Variants in NOL4 observed in about 807,000 individuals in gnomAD.
NOL4 encodes the protein nucleolar protein 4.
NOL4 carries 17 observed loss-of-function variants against 75.9 expected under a neutral mutation model. The observed-to-expected ratio is 0.22, with a 90% CI of 0.15 to 0.34. The LOEUF (loss-of-function observed/expected upper bound fraction) is 0.34. Ranked by LOEUF, NOL4 falls within the 10% of genes least tolerant of loss-of-function variation. The pLI, the probability that NOL4 is intolerant of heterozygous loss-of-function variation, is 1.00. For synonymous variants in NOL4, 292 were observed against 289.9 expected, an observed-to-expected ratio of 1.01 and a Z score of -0.07; for missense variants, 614 against 793.5, an observed-to-expected ratio of 0.77 and a Z score of 2.72.
At chr18:34,179,381 T>TA (rs375236230) in intron 1 of NOL4, among the ~76,000 whole-genome samples, 9 of 151,208 alleles carry the variant, frequency 6.0e-5, no homozygotes, top group African/African-American at 2.2e-4. Context: ...ATGAAATAGA[T>TA]ACTAGAAAAA....
intron 2 of NOL4, among the ~76,000 whole-genome samples, chr18:34,117,178 C>T (rs1460155556): frequency 3.3e-5 from 5 of 152,104 alleles, no homozygotes; most frequent in Non-Finnish European, 7.4e-5. Flanking sequence ...ATTTAATCCT[C>T]ACAACAGTCC....
At chr18:33,973,450 C>A (rs1019924915) in intron 6 of NOL4, among the ~76,000 whole-genome samples, 1 of 152,140 alleles carries the variant, frequency 6.6e-6, no homozygotes, top group African/African-American at 2.4e-5. Context: ...CTATTTTGAT[C>A]TTCTCCCATG....
intron 6 of NOL4, among the ~76,000 whole-genome samples, chr18:33,975,506 G>T (rs776985311): frequency 6.6e-6 from 1 of 152,208 alleles, no homozygotes; most frequent in Non-Finnish European, 1.5e-5. Context: ...GGGTGCAGTG[G>T]CTCATGCCTG....
intron 2 of NOL4, among the ~76,000 whole-genome samples, chr18:34,118,596 C>T (rs973217018): frequency 1.3e-5 from 2 of 152,102 alleles, no homozygotes; most frequent in South Asian, 2.1e-4. Flanking sequence ...ATTCAAGGAA[C>T]ATCTGTCTTT....
chr18:34,038,772 A>G (rs906467655), intron 5 of NOL4, among the ~76,000 whole-genome samples: 1 of 152,040 alleles, frequency 6.6e-6, no homozygotes, highest in Non-Finnish European at 1.5e-5. Flanking sequence ...AAAGAGGTGG[A>G]TGAGTGGGTA....
chr18:34,064,328 T>C (rs965877268), intron 5 of NOL4, among the ~76,000 whole-genome samples: 1 of 151,998 alleles, frequency 6.6e-6, no homozygotes, highest in Non-Finnish European at 1.5e-5. Context: ...ATCAATACCC[T>C]ATGCAAATAA....
chr18:34,025,404 G>C (rs562432998), intron 5 of NOL4, among the ~76,000 whole-genome samples: 21 of 152,230 alleles, frequency 1.4e-4, no homozygotes, highest in African/African-American at 4.8e-4. Flanking sequence ...CCCTTCTAAA[G>C]TAGAGCTGCC....
chr18:33,905,327 G>T (rs2065971365), intron 9 of NOL4, among the ~76,000 whole-genome samples: 1 of 152,002 alleles, frequency 6.6e-6, no homozygotes, highest in Non-Finnish European at 1.5e-5. Flanking sequence ...CAAGTGAATG[G>T]GACTGTTAGA....
chr18:33,969,050 C>A (rs1000607517), intron 6 of NOL4, among the ~76,000 whole-genome samples: 3 of 152,030 alleles, frequency 2.0e-5, no homozygotes, highest in Non-Finnish European at 4.4e-5. Flanking sequence ...TTTGGGGAAA[C>A]CTTTAATCAA....
chr18:34,053,224 C>T (rs1027136345), intron 5 of NOL4, among the ~76,000 whole-genome samples: 2 of 151,830 alleles, frequency 1.3e-5, no homozygotes, highest in African/African-American at 4.8e-5. Context: ...GAAGTAAGAC[C>T]ACCATTCTAT....
At chr18:34,150,164 T>C (rs1007677503) in intron 1 of NOL4, among the ~76,000 whole-genome samples, 8 of 151,698 alleles carry the variant, frequency 5.3e-5, no homozygotes. Context: ...CAAATGTTAG[T>C]TATCTGTAAG....
chr18:33,939,264 T>C (rs529334421), intron 9 of NOL4, among the ~76,000 whole-genome samples: 9 of 152,234 alleles, frequency 5.9e-5, no homozygotes, highest in African/African-American at 2.2e-4. Context: ...ATATGGGCTC[T>C]TTTTTGGTTC....
intron 6 of NOL4, among the ~76,000 whole-genome samples, chr18:33,983,964 G>A (rs72957340): frequency 0.14 from 20,671 of 152,062 alleles, 1,496 homozygotes; most frequent in Middle Eastern, 0.23. Flanking sequence ...ATGTATTAAA[G>A]ATGATGTATT....
intron 1 of NOL4, among the ~76,000 whole-genome samples, chr18:34,171,494 A>T (rs71363434): frequency 0.19 from 28,874 of 152,160 alleles, 2,962 homozygotes; most frequent in Middle Eastern, 0.24. Context: ...TTAAAGTAGC[A>T]ATCGAAGATA....
chr18:34,097,836 A>T (rs2078860389), intron 4 of NOL4, among the ~76,000 whole-genome samples: 1 of 152,186 alleles, frequency 6.6e-6, no homozygotes, highest in African/African-American at 2.4e-5. Context: ...ATTTCTAGTC[A>T]AGTAATATAA....
At chr18:34,183,353 A>G (rs1044011415) in intron 1 of NOL4, among the ~76,000 whole-genome samples, 3 of 151,876 alleles carry the variant, frequency 2.0e-5, no homozygotes, top group African/African-American at 7.2e-5. Context: ...ATCACTATAC[A>G]CTATTATAAT....
chr18:33,878,611 C>T (rs912742984), intron 10 of NOL4, among the ~76,000 whole-genome samples: 25 of 152,022 alleles, frequency 1.6e-4, no homozygotes, highest in Non-Finnish European at 3.1e-4. Context: ...TAAGTGATTT[C>T]CTAGAGTATA....
intron 6 of NOL4, among the ~76,000 whole-genome samples, chr18:34,002,759 ATACT>A (rs2073804270): frequency 2.6e-5 from 4 of 152,132 alleles, no homozygotes; most frequent in Non-Finnish European, 5.9e-5. Context: ...AGAATTTGCA[ATACT>A]CATACCAATT....
intron 1 of NOL4, among the ~76,000 whole-genome samples, chr18:34,173,000 AT>A (rs2033193192): frequency 6.6e-6 from 1 of 152,014 alleles, no homozygotes; most frequent in Non-Finnish European, 1.5e-5. Context: ...GCAAACAGCT[AT>A]TCAGTTTGAT....
Sources: gnomAD v4.1 joint callset for allele counts (sites outside exome capture counted in the v4.1 genomes callset) on GRCh38, gnomAD v4.1.1 for gene constraint, MANE v1.5 for transcripts, NCBI Gene and HGNC (gene_info 2026-07-23, HGNC 2026-07-21) for gene names.